Variants in ENTREP2 observed in about 807,000 individuals in gnomAD.
The protein encoded by ENTREP2 is protein ENTREP2.
chr15:29,137,329 G>A, the ENTREP2 span: 1 of 818,112 alleles, frequency 1.2e-6, no homozygotes, highest in Non-Finnish European at 1.8e-6. Context: ...TGACTGCTAA[G>A]CACACACTTT....
At chr15:29,179,543 G>A in the ENTREP2 span, among the ~76,000 whole-genome samples, 1 of 151,924 alleles carries the variant, frequency 6.6e-6, no homozygotes, top group African/African-American at 2.4e-5. Context: ...AGTCTGCGTG[G>A]TGTTCCACAG....
the ENTREP2 span, among the ~76,000 whole-genome samples, chr15:29,510,094 G>A: frequency 6.6e-6 from 1 of 152,184 alleles, no homozygotes; most frequent in Non-Finnish European, 1.5e-5. Flanking sequence ...TGAAGGATAT[G>A]AACAGATACT....
At chr15:29,159,700 CAG>C in the ENTREP2 span, among the ~76,000 whole-genome samples, 80,417 of 151,894 alleles carry the variant, frequency 0.53, 21,605 homozygotes, top group East Asian at 0.7. Flanking sequence ...TAGCTAGATA[CAG>C]AGTGTCGATT....
chr15:29,350,358 T>C, the ENTREP2 span, among the ~76,000 whole-genome samples: 1 of 152,184 alleles, frequency 6.6e-6, no homozygotes, highest in Non-Finnish European at 1.5e-5. Flanking sequence ...TATTTCTCCA[T>C]TATTCATGTT....
At chr15:29,659,210 C>A in the ENTREP2 span, among the ~76,000 whole-genome samples, 1 of 152,186 alleles carries the variant, frequency 6.6e-6, no homozygotes, top group African/African-American at 2.4e-5. Flanking sequence ...GTGGCTCATG[C>A]CTGTAATCCC....
chr15:29,428,607 A>T, the ENTREP2 span, among the ~76,000 whole-genome samples: 1 of 152,196 alleles, frequency 6.6e-6, no homozygotes, highest in East Asian at 1.9e-4. Context: ...TAAATACATT[A>T]TTAGGAAACA....
At chr15:29,279,025 T>C in the ENTREP2 span, among the ~76,000 whole-genome samples, 1 of 152,184 alleles carries the variant, frequency 6.6e-6, no homozygotes, top group African/African-American at 2.4e-5. Flanking sequence ...CTGGTGTCTC[T>C]TCCTCCTTTT....
the ENTREP2 span, among the ~76,000 whole-genome samples, chr15:29,294,664 G>A: frequency 6.6e-6 from 1 of 152,186 alleles, no homozygotes; most frequent in African/African-American, 2.4e-5. Flanking sequence ...TCTTGGAAAT[G>A]AAAGTGCCAT....
chr15:29,389,477 G>C, the ENTREP2 span, among the ~76,000 whole-genome samples: 1 of 152,106 alleles, frequency 6.6e-6, no homozygotes, highest in African/African-American at 2.4e-5. Context: ...TTGAGCGCTT[G>C]GAACTGACTG....
the ENTREP2 span, among the ~76,000 whole-genome samples, chr15:29,183,813 A>G: frequency 1.3e-5 from 2 of 152,142 alleles, no homozygotes; most frequent in African/African-American, 4.8e-5. Flanking sequence ...AGAGGGAGGG[A>G]CAGAGAGCCG....
the ENTREP2 span, among the ~76,000 whole-genome samples, chr15:29,240,521 A>T: frequency 6.6e-6 from 1 of 152,260 alleles, no homozygotes; most frequent in East Asian, 1.9e-4. Flanking sequence ...TGTGAGTTCA[A>T]TATCTTGCTC....
At chr15:29,396,113 T>C in the ENTREP2 span, among the ~76,000 whole-genome samples, 1 of 152,212 alleles carries the variant, frequency 6.6e-6, no homozygotes, top group Admixed American at 6.5e-5. Context: ...TTCTGAGTGT[T>C]TGATAAGAAC....
chr15:29,660,307 CT>C, the ENTREP2 span, among the ~76,000 whole-genome samples: 9 of 152,112 alleles, frequency 5.9e-5, no homozygotes, highest in African/African-American at 1.9e-4. Flanking sequence ...ATGAGGGCTC[CT>C]TTTTCTAACT....
chr15:29,200,659 A>C, the ENTREP2 span, among the ~76,000 whole-genome samples: 1 of 152,024 alleles, frequency 6.6e-6, no homozygotes, highest in African/African-American at 2.4e-5. Flanking sequence ...TCTGGATTCA[A>C]GCAATTCTCC....
the ENTREP2 span, among the ~76,000 whole-genome samples, chr15:29,207,178 C>T: frequency 6.6e-6 from 1 of 152,242 alleles, no homozygotes; most frequent in African/African-American, 2.4e-5. Flanking sequence ...CCCTGCCAGA[C>T]CTGAGGACAA....
chr15:29,470,085 C>G, the ENTREP2 span, among the ~76,000 whole-genome samples: 1 of 152,184 alleles, frequency 6.6e-6, no homozygotes, highest in Non-Finnish European at 1.5e-5. Context: ...CTTTAAATCA[C>G]TAAAAGGAGC....
At chr15:29,151,857 C>G in the ENTREP2 span, 1 of 1,539,918 alleles carries the variant, frequency 6.5e-7, no homozygotes, top group Non-Finnish European at 8.8e-7. Context: ...AGGAAAGGTG[C>G]AGGAGAATGT....
the ENTREP2 span, among the ~76,000 whole-genome samples, chr15:29,478,318 C>T: frequency 2.6e-5 from 4 of 151,970 alleles, no homozygotes; most frequent in Admixed American, 6.6e-5. Context: ...TGAGCCACCG[C>T]GTCCAGCCTA....
chr15:29,616,472 T>C, the ENTREP2 span, among the ~76,000 whole-genome samples: 1 of 152,022 alleles, frequency 6.6e-6, no homozygotes, highest in Non-Finnish European at 1.5e-5. Context: ...ACTCACAGAG[T>C]GTCTCTTTAG....
Sources: gnomAD v4.1 joint callset for allele counts (sites outside exome capture counted in the v4.1 genomes callset) on GRCh38, gnomAD v4.1.1 for gene constraint, MANE v1.5 for transcripts, NCBI Gene and HGNC (gene_info 2026-07-23, HGNC 2026-07-21) for gene names.